DRC11: variants seen among roughly 807,000 people sequenced by gnomAD.
DRC11 encodes IQ and AAA domain-containing protein 1.
At chr2:236,392,328 C>G in the DRC11 span, 11 of 1,593,294 alleles carry the variant, frequency 6.9e-6, 1 homozygote, top group Middle Eastern at 1.7e-4. The surrounding 1 kb of genome is among the most constrained non-coding windows in gnomAD (Gnocchi z 5.1). Context: ...AATTCCAAGA[C>G]TCATCTTTTT....
At chr2:236,338,211 T>C in the DRC11 span, 1 of 1,613,588 alleles carries the variant, frequency 6.2e-7, no homozygotes, top group Non-Finnish European at 8.5e-7. Context: ...TTGCCGTATC[T>C]GGAAGCATAG....
chr2:236,482,885 T>C, the DRC11 span, among the ~76,000 whole-genome samples: 1 of 152,234 alleles, frequency 6.6e-6, no homozygotes, highest in African/African-American at 2.4e-5. The surrounding 1 kb of genome is among the most constrained non-coding windows in gnomAD (Gnocchi z 4.5). Context: ...CAAATTTAAC[T>C]GTGGTAAAAG....
chr2:236,465,746 T>A, the DRC11 span: 2 of 1,333,148 alleles, frequency 1.5e-6, no homozygotes, highest in South Asian at 2.4e-5. The surrounding 1 kb of genome is among the most constrained non-coding windows in gnomAD (Gnocchi z 6.2). Context: ...TTTGAGGTCA[T>A]AAAAGTTACA....
chr2:236,450,094 C>T, the DRC11 span, among the ~76,000 whole-genome samples: 1 of 152,060 alleles, frequency 6.6e-6, no homozygotes, highest in South Asian at 2.1e-4. Context: ...CAAATAGGAA[C>T]TATGTAATTA....
the DRC11 span, among the ~76,000 whole-genome samples, chr2:236,315,089 G>C: frequency 6.6e-6 from 1 of 152,290 alleles, no homozygotes; most frequent in South Asian, 2.1e-4. The surrounding 1 kb of genome is among the most constrained non-coding windows in gnomAD (Gnocchi z 5.1). Context: ...CAGAATGATA[G>C]ACAGATGCAG....
chr2:236,408,850 T>A, the DRC11 span: 1 of 655,548 alleles, frequency 1.5e-6, no homozygotes, highest in South Asian at 1.6e-5. The surrounding 1 kb of genome is among the most constrained non-coding windows in gnomAD (Gnocchi z 5.5). Flanking sequence ...TCCACAATAG[T>A]CACAGCCTCT....
chr2:236,315,858 T>C, the DRC11 span, among the ~76,000 whole-genome samples: 1 of 151,540 alleles, frequency 6.6e-6, no homozygotes, highest in East Asian at 1.9e-4. The surrounding 1 kb of genome is among the most constrained non-coding windows in gnomAD (Gnocchi z 5.1). Context: ...GGGCGGCGGG[T>C]TTGGGAGAGC....
At chr2:236,353,984 A>G in the DRC11 span, among the ~76,000 whole-genome samples, 1 of 152,066 alleles carries the variant, frequency 6.6e-6, no homozygotes, top group African/African-American at 2.4e-5. This position sits in a 1 kb window ranked among gnomAD's most constrained non-coding sequence, Gnocchi z 5.0. Flanking sequence ...GTACTTGCGG[A>G]GGTTACTTCA....
the DRC11 span, among the ~76,000 whole-genome samples, chr2:236,489,588 C>A: frequency 6.6e-6 from 1 of 152,102 alleles, no homozygotes; most frequent in African/African-American, 2.4e-5. Flanking sequence ...GGTGTCCATG[C>A]ATGGATGGAA....
the DRC11 span, among the ~76,000 whole-genome samples, chr2:236,311,071 G>A: frequency 6.6e-6 from 1 of 152,198 alleles, no homozygotes; most frequent in African/African-American, 2.4e-5. This position sits in a 1 kb window ranked among gnomAD's most constrained non-coding sequence, Gnocchi z 6.9. Context: ...ACGACACACT[G>A]TGCTCAGGGA....
At chr2:236,434,558 G>A in the DRC11 span, among the ~76,000 whole-genome samples, 1 of 152,136 alleles carries the variant, frequency 6.6e-6, no homozygotes, top group East Asian at 1.9e-4. The surrounding 1 kb of genome is among the most constrained non-coding windows in gnomAD (Gnocchi z 5.5). Context: ...ATCGGAGTGT[G>A]GGGGGATGAA....
chr2:236,404,869 C>T, the DRC11 span, among the ~76,000 whole-genome samples: 487 of 152,296 alleles, frequency 3.2e-3, 6 homozygotes, highest in Middle Eastern at 0.01. Flanking sequence ...CTGGCAAGTC[C>T]TAGATCAAGG....
chr2:236,384,212 C>T, the DRC11 span, among the ~76,000 whole-genome samples: 17 of 152,010 alleles, frequency 1.1e-4, no homozygotes, highest in East Asian at 1.4e-3. Flanking sequence ...ATGGTATTTC[C>T]AGTTCTAGAT....
At chr2:236,332,688 A>G in the DRC11 span, 1 of 152,256 alleles carries the variant, frequency 6.6e-6, no homozygotes, top group African/African-American at 2.4e-5. This position sits in a 1 kb window ranked among gnomAD's most constrained non-coding sequence, Gnocchi z 5.1. Flanking sequence ...ATAAAATGAA[A>G]AGATCTACTT....
At chr2:236,367,171 G>A in the DRC11 span, among the ~76,000 whole-genome samples, 1 of 150,144 alleles carries the variant, frequency 6.7e-6, no homozygotes, top group Non-Finnish European at 1.5e-5. This position sits in a 1 kb window ranked among gnomAD's most constrained non-coding sequence, Gnocchi z 4.8. Flanking sequence ...GGAAGTGTGA[G>A]GTCTCCTCTA....
chr2:236,487,708 T>C, the DRC11 span, among the ~76,000 whole-genome samples: 1 of 152,254 alleles, frequency 6.6e-6, no homozygotes, highest in Non-Finnish European at 1.5e-5. Flanking sequence ...TAAGGATTTA[T>C]ATCCTCACTG....
chr2:236,312,599 A>G, the DRC11 span, among the ~76,000 whole-genome samples: 1 of 152,144 alleles, frequency 6.6e-6, no homozygotes, highest in Non-Finnish European at 1.5e-5. Flanking sequence ...CTATATAGTG[A>G]AAAGAAAAAA....
At chr2:236,338,223 C>T in the DRC11 span, 1 of 1,613,782 alleles carries the variant, frequency 6.2e-7, no homozygotes, top group Non-Finnish European at 8.5e-7. Context: ...GAAGCATAGT[C>T]TGGTCTGGGC....
chr2:236,460,076 T>C, the DRC11 span, among the ~76,000 whole-genome samples: 1 of 152,206 alleles, frequency 6.6e-6, no homozygotes, highest in East Asian at 1.9e-4. The surrounding 1 kb of genome is among the most constrained non-coding windows in gnomAD (Gnocchi z 4.0). Flanking sequence ...TTGCTTTTTA[T>C]TTGCCTTTGA....
Sources: allele counts gnomAD v4.1 joint callset (sites outside exome capture counted in the v4.1 genomes callset), GRCh38; gene constraint gnomAD v4.1.1; non-coding constraint Gnocchi (gnomAD v3.1); transcripts MANE v1.5; gene names NCBI Gene and HGNC (gene_info 2026-07-23, HGNC 2026-07-21).